The following KCNQ5 variants were observed in gnomAD, a reference collection of about 807,000 sequenced individuals.
KCNQ5 encodes potassium voltage-gated channel subfamily KQT member 5.
A neutral mutation model predicts 98.2 loss-of-function variants in KCNQ5; 30 were observed. The ratio of observed to expected loss-of-function variants is 0.31; its 90% CI spans 0.23 to 0.41. The LOEUF is 0.41. Among genes scored for constraint, KCNQ5 ranks in the 10% least tolerant of loss-of-function variants. The probability of loss-of-function intolerance (pLI) is 1.00; values close to 1 mark genes in which losing one functional copy is unlikely to be tolerated. For missense variants in KCNQ5, 835 were observed against 1,182.5 expected (o/e 0.71, Z 4.31); for synonymous variants, 458 against 449.4 (o/e 1.02, Z -0.24).
At chr6:72,693,309 CAAGATGTGGAGAGATTTT>C (rs951283650) in intron 1 of KCNQ5, among the ~76,000 whole-genome samples, 3 of 151,966 alleles carry the variant, frequency 2.0e-5, no homozygotes, top group Non-Finnish European at 4.4e-5. Context: ...TGTTTGGGAG[CAAGATGTGGAGAGATTTT>C]AAGAGAGAAG....
chr6:72,807,438 A>G (rs1013285677), intron 1 of KCNQ5, among the ~76,000 whole-genome samples: 1 of 152,178 alleles, frequency 6.6e-6, no homozygotes, highest in Non-Finnish European at 1.5e-5. Flanking sequence ...TCTAAAATCA[A>G]CAGCATCTTT....
intron 2 of KCNQ5, among the ~76,000 whole-genome samples, chr6:73,015,344 G>T (rs1377629916): frequency 6.6e-6 from 1 of 151,878 alleles, no homozygotes; most frequent in Non-Finnish European, 1.5e-5. Context: ...TGACTGAAAA[G>T]AAAAAAGCAG....
At chr6:73,169,246 G>T (rs144249107) in intron 10 of KCNQ5, among the ~76,000 whole-genome samples, 2 of 152,272 alleles carry the variant, frequency 1.3e-5, no homozygotes, top group African/African-American at 4.8e-5. Context: ...TTTCCTGGCT[G>T]CCTGTATCCA....
chr6:72,933,183 AT>A (rs1465550689), intron 1 of KCNQ5, among the ~76,000 whole-genome samples: 5 of 152,234 alleles, frequency 3.3e-5, no homozygotes, highest in African/African-American at 1.2e-4. Flanking sequence ...GATTAAAAAA[AT>A]TCTGGACAGA....
chr6:72,656,864 A>G (rs947655906), intron 1 of KCNQ5, among the ~76,000 whole-genome samples: 11 of 152,124 alleles, frequency 7.2e-5, no homozygotes, highest in African/African-American at 2.4e-4. Context: ...AGGTGCTTCA[A>G]GATTTTATTG....
At chr6:72,632,920 T>C (rs2098921851) in intron 1 of KCNQ5, among the ~76,000 whole-genome samples, 1 of 152,162 alleles carries the variant, frequency 6.6e-6, no homozygotes, top group Non-Finnish European at 1.5e-5. Context: ...TTTGGTATGA[T>C]GATCTATTTC....
intron 1 of KCNQ5, among the ~76,000 whole-genome samples, chr6:72,742,282 A>C (rs971701158): frequency 3.3e-5 from 5 of 152,166 alleles, no homozygotes; most frequent in Admixed American, 6.5e-5. Flanking sequence ...TCGCCACATA[A>C]TTTGTATTTC....
intron 2 of KCNQ5, among the ~76,000 whole-genome samples, chr6:73,017,807 G>GA (rs762339020): frequency 1.3e-5 from 2 of 152,122 alleles, no homozygotes; most frequent in East Asian, 1.9e-4. Flanking sequence ...AGCATCATGG[G>GA]AAAACCTGGA....
chr6:73,104,942 C>A lies in KCNQ5; in HGVS notation c.919-315C>A, dbSNP rs567454923. Among the ~76,000 whole-genome samples, 3 of 152,246 alleles carry A rather than the reference C, an allele frequency of 2.0e-5. No individual in the cohort carries two copies. The East Asian group carries it at 5.8e-4, about 29-fold the overall frequency. ...CATAAATTATTATTTGTGTACTGAT[C>A]CAGTCCTAAATCCATGGTGCTATCA... On this transcript the variant is annotated intron_variant, in intron 5 of 13. Coordinates refer to ENST00000370398, the MANE Select transcript of KCNQ5 (RefSeq NM_019842.4).
intron 7 of KCNQ5, among the ~76,000 whole-genome samples, chr6:73,111,779 A>G (rs190579202): frequency 1.6e-4 from 25 of 152,274 alleles, no homozygotes; most frequent in Admixed American, 1.4e-3. Context: ...CTGCATTCCA[A>G]TTACTTTCTC....
intron 1 of KCNQ5, among the ~76,000 whole-genome samples, chr6:72,680,628 A>AT (rs1169392104): frequency 6.6e-6 from 1 of 152,026 alleles, no homozygotes; most frequent in African/African-American, 2.4e-5. Context: ...ATAGATAACC[A>AT]TTTTTTTACT....
At chr6:73,007,950 C>T (rs997716064) in intron 2 of KCNQ5, among the ~76,000 whole-genome samples, 3 of 151,950 alleles carry the variant, frequency 2.0e-5, no homozygotes, top group Admixed American at 2.0e-4. Context: ...AATTATGTGA[C>T]ATTAATAACT....
Position 72,755,973 on chromosome 6 carries a change from C to T in KCNQ5, c.398+133386C>T, listed in dbSNP as rs113424560. On this transcript the variant is annotated intron_variant, in intron 1 of 13. Coordinates refer to ENST00000370398, the MANE Select transcript of KCNQ5 (RefSeq NM_019842.4). Reference sequence around the variant, plus strand: ...CACAGCAGGGACCTCTCTCTCGTTTCCTGCTCCCAGTCTTTCTCATAAGCA... The same window carrying T: ...CACAGCAGGGACCTCTCTCTCGTTTTCTGCTCCCAGTCTTTCTCATAAGCA... 7.6e-3 allele frequency among the ~76,000 whole-genome samples: 1,160 copies of T among 152,282 alleles called. 10 individuals are homozygous for T. Among genetic ancestry groups the T allele is most frequent in the Non-Finnish European group, 0.012 (789 of 68,022 alleles).
At chr6:72,926,056 G>A (rs1765405131) in intron 1 of KCNQ5, among the ~76,000 whole-genome samples, 1 of 152,196 alleles carries the variant, frequency 6.6e-6, no homozygotes, top group African/African-American at 2.4e-5. Context: ...AGAAGAGGCT[G>A]CATCTGAGCA....
chr6:73,050,994 G>A (rs79506976), intron 3 of KCNQ5, among the ~76,000 whole-genome samples: 2,364 of 152,102 alleles, frequency 0.016, 24 homozygotes, highest in Non-Finnish European at 0.018. Context: ...AGGTCATTTG[G>A]GCTGCTTCTA....
rs527584171 is a variant in KCNQ5 at position 72,739,448 on chromosome 6, A to G, written c.398+116861A>G. On this transcript the variant is annotated intron_variant, in intron 1 of 13. Transcript: ENST00000370398. ...CTTAAATTTTACCACATCCTGTTCT[A>G]TCAATGACCTTTCCACCAACTGCTT... 9.8e-5 allele frequency among the ~76,000 whole-genome samples: 15 copies of G among 152,314 alleles called. No individual in the cohort carries two copies. In the South Asian group the frequency reaches 2.9e-3, roughly 29 times the overall value.
chr6:73,055,444 T>C, intron 3 of KCNQ5: 1 of 1,543,426 alleles, frequency 6.5e-7, no homozygotes, highest in South Asian at 1.1e-5. Context: ...GGTGCTCCTA[T>C]GATGTCCCAC....
intron 3 of KCNQ5, among the ~76,000 whole-genome samples, chr6:73,067,077 C>T (rs1212670440): frequency 6.6e-6 from 1 of 152,132 alleles, no homozygotes; most frequent in Non-Finnish European, 1.5e-5. Flanking sequence ...TGAATATCAA[C>T]TATTTGCACG....
chr6:73,170,714 A>C (rs1365757530), intron 11 of KCNQ5, among the ~76,000 whole-genome samples: 1 of 152,092 alleles, frequency 6.6e-6, no homozygotes, highest in Non-Finnish European at 1.5e-5. Flanking sequence ...GGGGCAGATC[A>C]CTTGAGGTCA....
Sources: gnomAD v4.1 joint callset for allele counts (sites outside exome capture counted in the v4.1 genomes callset) on GRCh38, gnomAD v4.1.1 for gene constraint, MANE v1.5 for transcripts, NCBI Gene and HGNC (gene_info 2026-07-23, HGNC 2026-07-21) for gene names.